The following NALF1 variants were observed in gnomAD, a reference collection of about 807,000 sequenced individuals.
NALF1 encodes family with sequence similarity 155 member A.
In NALF1, 3 loss-of-function variants were observed where a neutral mutation model predicts 48.4. The observed-to-expected ratio is 0.06, with a 90% CI of 0.03 to 0.16. The LOEUF is 0.16. Among genes scored for constraint, NALF1 ranks in the 10% least tolerant of loss-of-function variants. The pLI is 1.00. For synonymous variants in NALF1, 262 were observed against 245.7 expected (o/e 1.07, Z -0.62); for missense variants, 526 against 571.5 (o/e 0.92, Z 0.81).
chr13:107,436,311 G>C (rs1278310456), intron 1 of NALF1, among the ~76,000 whole-genome samples: 8 of 152,086 alleles, frequency 5.3e-5, no homozygotes, highest in African/African-American at 1.9e-4. Context: ...CTTGAATCTA[G>C]ATTTTTTTAA....
At chr13:107,692,779 C>T (rs1023109525) in intron 1 of NALF1, among the ~76,000 whole-genome samples, 2 of 152,174 alleles carry the variant, frequency 1.3e-5, no homozygotes, top group Non-Finnish European at 2.9e-5. Flanking sequence ...GCCAAACCAA[C>T]AATATCTACT....
chr13:107,210,976 A>T (rs1482824536), intron 1 of NALF1, among the ~76,000 whole-genome samples: 2 of 152,258 alleles, frequency 1.3e-5, no homozygotes, highest in African/African-American at 2.4e-5. Flanking sequence ...CATCCCTAAT[A>T]GAATGTAAAA....
At chr13:107,807,696 T>C (rs1878844400) in intron 1 of NALF1, among the ~76,000 whole-genome samples, 1 of 152,210 alleles carries the variant, frequency 6.6e-6, no homozygotes, top group Non-Finnish European at 1.5e-5. Context: ...TAACAGGCTG[T>C]CTGATTTAGG....
At chr13:107,469,207 C>T (rs995390399) in intron 1 of NALF1, among the ~76,000 whole-genome samples, 11 of 152,128 alleles carry the variant, frequency 7.2e-5, no homozygotes, top group Middle Eastern at 3.4e-3. Context: ...TATTTTAGAG[C>T]GCATTTATTA....
intron 1 of NALF1, among the ~76,000 whole-genome samples, chr13:107,517,199 G>C (rs770738017): frequency 6.6e-6 from 1 of 152,020 alleles, no homozygotes; most frequent in African/African-American, 2.4e-5. Context: ...TGAAAATAGA[G>C]TTTAAAATAT....
chr13:107,328,870 C>T (rs1882415673), intron 1 of NALF1, among the ~76,000 whole-genome samples: 1 of 152,150 alleles, frequency 6.6e-6, no homozygotes, highest in Admixed American at 6.6e-5. Flanking sequence ...CATCACAACT[C>T]CAATGCAAAC....
At chr13:107,274,090 A>G (rs918538058) in intron 1 of NALF1, among the ~76,000 whole-genome samples, 4 of 152,010 alleles carry the variant, frequency 2.6e-5, no homozygotes, top group African/African-American at 9.7e-5. Context: ...CATAATTTTT[A>G]TATGTATGAA....
chr13:107,685,694 AATGG>A (rs1351391031), intron 1 of NALF1, among the ~76,000 whole-genome samples: 14 of 152,210 alleles, frequency 9.2e-5, no homozygotes, highest in Non-Finnish European at 1.5e-4. Context: ...GTAGCTCTTG[AATGG>A]ATCGATGGAT....
intron 1 of NALF1, among the ~76,000 whole-genome samples, chr13:107,778,782 C>A (rs918360377): frequency 6.6e-6 from 1 of 152,104 alleles, no homozygotes; most frequent in African/African-American, 2.4e-5. Context: ...CCCACTCATT[C>A]ATCAGGTCAG....
rs190192212 is a variant in NALF1, at chr13:107,810,647, G to A, written c.915+55035C>T. On this transcript the variant is annotated intron_variant, in intron 1 of 2. Coordinates refer to ENST00000375915, the MANE Select transcript of NALF1 (RefSeq NM_001080396.3). ...TCTTCCGTTCTTGTCTTGGTTATTGGCAGATCATTATTTTTATAACCCAAG... is the reference window on the plus strand; with the variant it reads ...TCTTCCGTTCTTGTCTTGGTTATTGACAGATCATTATTTTTATAACCCAAG... 7.0e-4 allele frequency among the ~76,000 whole-genome samples: 107 copies of A among 152,006 alleles called. 1 individual carries two copies. Among genetic ancestry groups the A allele is most frequent in the African/African-American group, 2.2e-3 (91 of 41,470 alleles).
intron 1 of NALF1, among the ~76,000 whole-genome samples, chr13:107,713,643 A>G (rs1875666813): frequency 6.6e-6 from 1 of 152,240 alleles, no homozygotes; most frequent in Non-Finnish European, 1.5e-5. Context: ...CTCTTACCTC[A>G]ATTTGGCAAC....
chr13:107,431,349 T>C (rs1884378508), intron 1 of NALF1, among the ~76,000 whole-genome samples: 1 of 152,138 alleles, frequency 6.6e-6, no homozygotes, highest in Admixed American at 6.6e-5. Context: ...TGATTGATGT[T>C]TCAGTGTAAC....
chr13:107,267,146 CATTT>C (rs1160030004), intron 1 of NALF1, among the ~76,000 whole-genome samples: 1 of 152,206 alleles, frequency 6.6e-6, no homozygotes, highest in Non-Finnish European at 1.5e-5. Flanking sequence ...ATGCTTTGTG[CATTT>C]TGTTTTCCCT....
chr13:107,403,334 A>G (rs1320437821), intron 1 of NALF1, among the ~76,000 whole-genome samples: 1 of 150,162 alleles, frequency 6.7e-6, no homozygotes, highest in African/African-American at 2.4e-5. Flanking sequence ...GTTGCCTGGT[A>G]TGCAGCTCTC....
chr13:107,350,425 A>G (rs950084515), intron 1 of NALF1, among the ~76,000 whole-genome samples: 3 of 152,242 alleles, frequency 2.0e-5, no homozygotes, highest in African/African-American at 7.2e-5. Flanking sequence ...AAGAGTTAAC[A>G]AAAAGTAGTT....
chr13:107,236,685 CT>C (rs1209362849), intron 1 of NALF1, among the ~76,000 whole-genome samples: 2 of 129,166 alleles, frequency 1.5e-5, no homozygotes. Flanking sequence ...ATCTATCTAT[CT>C]ATCTATCTAT....
At chr13:107,600,696 C>G (rs1422377443) in intron 1 of NALF1, among the ~76,000 whole-genome samples, 1 of 152,078 alleles carries the variant, frequency 6.6e-6, no homozygotes, top group Non-Finnish European at 1.5e-5. Context: ...TATATAGACC[C>G]TCATTCAGAA....
intron 1 of NALF1, among the ~76,000 whole-genome samples, chr13:107,409,073 G>A (rs975825989): frequency 1.1e-4 from 17 of 152,134 alleles, no homozygotes; most frequent in African/African-American, 2.9e-4. Context: ...GTTGAAAGGA[G>A]TTCTCACATA....
At chr13:107,413,451 C>T (rs187238028) in intron 1 of NALF1, among the ~76,000 whole-genome samples, 68 of 151,562 alleles carry the variant, frequency 4.5e-4, no homozygotes, top group Admixed American at 1.1e-3. Context: ...GCTGAAAACT[C>T]GTCAATTTTA....
Sources: gnomAD v4.1 joint callset for allele counts (sites outside exome capture counted in the v4.1 genomes callset) on GRCh38, gnomAD v4.1.1 for gene constraint, MANE v1.5 for transcripts, NCBI Gene and HGNC (gene_info 2026-07-23, HGNC 2026-07-21) for gene names.